Variants in SLC25A44 observed in about 807,000 individuals in gnomAD.
The protein encoded by SLC25A44 is solute carrier family 25, member 44.
Under a neutral mutation model 29.9 loss-of-function variants are expected in SLC25A44, and 17 were observed. That is an observed-to-expected ratio of 0.57 (90% CI 0.39 to 0.85). The LOEUF is 0.85. Ranked by LOEUF, SLC25A44 falls within the 40% of genes least tolerant of loss-of-function variation. The pLI is 0.00. For missense variants in SLC25A44, 302 were observed against 398.4 expected, an observed-to-expected ratio of 0.76 and a Z score of 2.06; for synonymous variants, 140 against 151.8, an observed-to-expected ratio of 0.92 and a Z score of 0.57.
At chr1:156,206,665 TG>T (rs1656950452) in intron 2 of SLC25A44, among the ~76,000 whole-genome samples, 1 of 152,172 alleles carries the variant, frequency 6.6e-6, no homozygotes, top group African/African-American at 2.4e-5. Context: ...TCCAAGTTGC[TG>T]GGACTACAGG....
intron 1 of SLC25A44, chr1:156,196,354 A>G (rs1656212382): frequency 6.6e-6 from 1 of 152,196 alleles, no homozygotes; most frequent in Non-Finnish European, 1.5e-5. Flanking sequence ...GTAGTGGCTT[A>G]TCCCTCTAAG....
rs114893513 is a variant in SLC25A44, at chr1:156,195,831, G to A, written c.-14+1584G>A. Among the ~76,000 whole-genome samples the A allele has an allele frequency of 3.5e-3, 538 of 152,340 alleles. 1 individual carries two copies. The highest frequency in any genetic ancestry group is 0.012 in the African/African-American group (517 of 41,584). The stretch of plus-strand genomic sequence containing the variant: ...CCAGAATCTTATCCCAGAACCTAGT[G>A]AATAGTCAGTCCCATGTGAATTTTC... On this transcript the variant is annotated intron_variant, in intron 1 of 3. Coordinates refer to ENST00000359511, the MANE Select transcript of SLC25A44 (RefSeq NM_014655.4).
intron 2 of SLC25A44, among the ~76,000 whole-genome samples, chr1:156,205,968 AGTGGTACTGGGAT>A (rs1292059249): frequency 6.6e-6 from 1 of 152,224 alleles, no homozygotes; most frequent in Admixed American, 6.5e-5. Context: ...TAGACTTCTC[AGTGGTACTGGGAT>A]GGGTTAACCT....
intron 3 of SLC25A44, 102 bp from the exon 4 acceptor site, chr1:156,210,138 C>A: frequency 1.3e-6 from 1 of 782,256 alleles, no homozygotes; most frequent in Non-Finnish European, 2.1e-6. Flanking sequence ...CACCTTCCGA[C>A]GTCGGAGTCT....
chr1:156,208,976 A>G (rs1243093653), intron 3 of SLC25A44, among the ~76,000 whole-genome samples: 1 of 152,228 alleles, frequency 6.6e-6, no homozygotes, highest in Non-Finnish European at 1.5e-5. Context: ...AAAGTTGTAC[A>G]AGAGAATGAA....
At chr1:156,199,057 T>C (rs1050805051) in intron 1 of SLC25A44, 5 of 152,298 alleles carry the variant, frequency 3.3e-5, no homozygotes, top group African/African-American at 1.2e-4. Context: ...TCTAACTCCT[T>C]TTGCTGGAGG....
At chr1:156,202,649 T>A (rs1387282709) in intron 2 of SLC25A44, among the ~76,000 whole-genome samples, 1 of 152,226 alleles carries the variant, frequency 6.6e-6, no homozygotes, top group African/African-American at 2.4e-5. Flanking sequence ...CCAGAAGTGA[T>A]CTTTCCCCTT....
At position 156,211,817 on chromosome 1, in the gene SLC25A44, A is replaced by G. The variant is rs1286877501; in HGVS notation, c.*1386A>G. 2 of 142,942 alleles carry G rather than the reference A, an allele frequency of 1.4e-5. No individual in the cohort carries two copies. The highest frequency in any genetic ancestry group is 3.2e-5 in the Non-Finnish European group (2 of 62,210). The allele number at this position is 142,942 out of a possible 1,614,324, so 8.9% of individuals were successfully genotyped here. A position where few individuals can be genotyped will look rare whatever the true frequency, so the allele number is the denominator to read the frequency against. On this transcript the variant is annotated 3_prime_UTR_variant, in exon 4 of 4. Coordinates refer to ENST00000359511, the MANE Select transcript of SLC25A44 (RefSeq NM_014655.4). ...AAGGCATGTCAAACCCTGCATTTCTACCTGAGACGTGTGACCTGGATGATC... is the reference window on the plus strand; with the variant it reads ...AAGGCATGTCAAACCCTGCATTTCTGCCTGAGACGTGTGACCTGGATGATC...
chr1:156,208,585 T>G (rs1269841624), intron 3 of SLC25A44, among the ~76,000 whole-genome samples: 4 of 152,228 alleles, frequency 2.6e-5, no homozygotes, highest in African/African-American at 9.6e-5. Flanking sequence ...CTCCAGGAAA[T>G]CTTACTGGTT....
Position 156,211,101 on chromosome 1 carries a change from T to TGTGTGTGTGTGTGTGTGTG in SLC25A44, c.*670_*671insGTGTGTGTGTGTGTGTGTG, listed in dbSNP as rs1657288850. On this transcript the variant is annotated 3_prime_UTR_variant, in exon 4 of 4. Coordinates refer to ENST00000359511, the MANE Select transcript of SLC25A44 (RefSeq NM_014655.4). ...GTGTGTGTGTGTGTGTGTGTGTGTG[T>TGTGTGTGTGTGTGTGTGTG]TTTAACATCTGTGAACCAGGCTATT... 1 of 151,822 alleles carries TGTGTGTGTGTGTGTGTGTG rather than the reference T, an allele frequency of 6.6e-6. No homozygotes were observed. Among genetic ancestry groups the TGTGTGTGTGTGTGTGTGTG allele is most frequent in the Non-Finnish European group, 1.5e-5 (1 of 68,620 alleles). 9.4% of individuals were successfully genotyped at this position (151,822 alleles called of 1,614,324 possible).
At chr1:156,203,699 CTTTT>C (rs56890643) in intron 2 of SLC25A44, among the ~76,000 whole-genome samples, 1 of 106,780 alleles carries the variant, frequency 9.4e-6, no homozygotes, top group East Asian at 3.0e-4. Context: ...ATTCTCTTTC[CTTTT>C]TTTTTTTTTT....
Position 156,212,743 on chromosome 1 carries a change from T to C in SLC25A44, c.*2312T>C. On this transcript the variant is annotated 3_prime_UTR_variant, in exon 4 of 4. Transcript: ENST00000359511. ...GAAAATTAACAGTGAATATTCACTG[T>C]TGCACTGTACGAAGTCTCTGAAATG... 2.1e-6 allele frequency: 1 copy of C among 467,656 alleles called. No homozygotes were observed. The highest frequency in any genetic ancestry group is 3.9e-6 in the Non-Finnish European group (1 of 254,578). 29.0% of individuals were successfully genotyped at this position (467,656 alleles called of 1,614,324 possible). A position where few individuals can be genotyped will look rare whatever the true frequency, so the allele number is the denominator to read the frequency against.
chr1:156,207,904 G>T lies in SLC25A44; in HGVS notation c.644G>T (p.Cys215Phe). 3 of 1,613,984 alleles carry T rather than the reference G, an allele frequency of 1.9e-6. No individual in the cohort carries two copies. The highest frequency in any genetic ancestry group is 2.5e-6 in the Non-Finnish European group (3 of 1,179,918). Residue 215 changes from cysteine (C) to phenylalanine (F), a missense_variant, in exon 3 of 4, where the codon TGT (cysteine) becomes TTT (phenylalanine). By Grantham distance (205) the Cys-to-Phe change is radical (BLOSUM62 -2). Coordinates refer to ENST00000359511, the MANE Select transcript of SLC25A44 (RefSeq NM_014655.4). ...ATTCCAGAGCAGCTCTCCTACCTGTGTCCTAAGGAGTGCCCTCACATTGTC... is the reference window on the plus strand; with the variant it reads ...ATTCCAGAGCAGCTCTCCTACCTGTTTCCTAAGGAGTGCCCTCACATTGTC... ...HFYAEQLSYLCPKECPHIVFQ... is the reference protein window; with the variant it reads ...HFYAEQLSYLFPKECPHIVFQ...
Position 156,212,619 on chromosome 1 carries a change from AAAAG to A in SLC25A44, c.*2192_*2195del, listed in dbSNP as rs1249629799. ...GGAGTTTTGGTCGGTAATCAAAACT[AAAAG>A]AAACCTCTGGGAGACTGGAAACCTG... On this transcript the variant is annotated 3_prime_UTR_variant, in exon 4 of 4. Coordinates refer to ENST00000359511, the MANE Select transcript of SLC25A44 (RefSeq NM_014655.4). The A allele has an allele frequency of 3.6e-5, 6 of 164,838 alleles. No individual in the cohort carries two copies. Among genetic ancestry groups the A allele is most frequent in the East Asian group, 1.7e-4 (1 of 5,998 alleles). The allele number at this position is 164,838 out of a possible 1,614,324, so 10.2% of individuals were successfully genotyped here.
At chr1:156,208,156 G>C in intron 3 of SLC25A44, 143 bp downstream of exon 3, 1 of 711,668 alleles carries the variant, frequency 1.4e-6, no homozygotes. Flanking sequence ...AGCCCCTTCT[G>C]TGTGCTTAGC....
chr1:156,194,782 G>A (rs948459099), intron 1 of SLC25A44, among the ~76,000 whole-genome samples: 4 of 152,236 alleles, frequency 2.6e-5, no homozygotes, highest in African/African-American at 9.6e-5. Context: ...AGGAATGGAG[G>A]ATGTTGGTCT....
chr1:156,196,910 A>C (rs1310037996), intron 1 of SLC25A44: 1 of 152,228 alleles, frequency 6.6e-6, no homozygotes, highest in African/African-American at 2.4e-5. Context: ...AGAATTCTTC[A>C]AATCCCATAA....
intron 2 of SLC25A44, 107 bp from the exon 3 acceptor site, chr1:156,207,772 AAGGGTGG>A: frequency 9.1e-7 from 1 of 1,097,700 alleles, no homozygotes; most frequent in Non-Finnish European, 1.3e-6. Flanking sequence ...TTAGGTGGTG[AAGGGTGG>A]AGGGTTTGTC....
chr1:156,195,541 G>A (rs1023117071), intron 1 of SLC25A44, among the ~76,000 whole-genome samples: 2 of 152,234 alleles, frequency 1.3e-5, no homozygotes, highest in African/African-American at 4.8e-5. Flanking sequence ...AGTACCGGGA[G>A]CCGAGTGGAT....
Sources: allele counts gnomAD v4.1 joint callset (sites outside exome capture counted in the v4.1 genomes callset), GRCh38; gene constraint gnomAD v4.1.1; transcripts MANE v1.5; gene names NCBI Gene and HGNC (gene_info 2026-07-23, HGNC 2026-07-21).